ALDH18A1: variants seen among roughly 807,000 people sequenced by gnomAD.
The protein encoded by ALDH18A1 is delta-1-pyrroline-5-carboxylate synthase.
ALDH18A1 carries 44 observed loss-of-function variants against 88.8 expected under a neutral mutation model. The ratio of observed to expected loss-of-function variants is 0.50; its 90% CI spans 0.39 to 0.64. The LOEUF (loss-of-function observed/expected upper bound fraction) is 0.64. Among genes scored for constraint, ALDH18A1 ranks in the 30% least tolerant of loss-of-function variants. The pLI, the probability that ALDH18A1 is intolerant of heterozygous loss-of-function variation, is 0.00. For synonymous variants in ALDH18A1, 331 were observed against 372.1 expected, an observed-to-expected ratio of 0.89 and a Z score of 1.27; for missense variants, 782 against 1,009.5, an observed-to-expected ratio of 0.77 and a Z score of 3.05.
intron 1 of ALDH18A1, among the ~76,000 whole-genome samples, chr10:95,655,257 G>A (rs1021479896): frequency 6.6e-6 from 1 of 151,816 alleles, no homozygotes; most frequent in African/African-American, 2.4e-5. Flanking sequence ...TATAAATCAG[G>A]GATACTAACA....
chr10:95,631,675 G>A (rs140027482), intron 7 of ALDH18A1, among the ~76,000 whole-genome samples: 5,046 of 149,894 alleles, frequency 0.034, 118 homozygotes, highest in Non-Finnish European at 0.049. Flanking sequence ...CCTGGGAAGT[G>A]GAGGTTGCGG....
chr10:95,627,377 T>G, intron 9 of ALDH18A1, 65 bp downstream of exon 9: 6 of 1,593,020 alleles, frequency 3.8e-6, no homozygotes, highest in Non-Finnish European at 5.2e-6. Flanking sequence ...TTTTGTGATC[T>G]CTAACTAAGC....
At chr10:95,623,614 G>A (rs1321680525) in intron 11 of ALDH18A1, among the ~76,000 whole-genome samples, 2 of 151,778 alleles carry the variant, frequency 1.3e-5, no homozygotes, top group African/African-American at 2.4e-5. Flanking sequence ...TGTCCAGACT[G>A]GAGTGCAGTG....
intron 5 of ALDH18A1, among the ~76,000 whole-genome samples, chr10:95,635,313 C>CAGG (rs1245117768): frequency 1.3e-5 from 2 of 152,040 alleles, no homozygotes; most frequent in East Asian, 3.9e-4. Flanking sequence ...GAGAGACAAG[C>CAGG]AGGAGATCTA....
chr10:95,628,533 A>C, intron 7 of ALDH18A1, 41 bp from the exon 8 acceptor site: 1 of 1,605,824 alleles, frequency 6.2e-7, no homozygotes, highest in South Asian at 1.1e-5. Flanking sequence ...CTTTGATGGA[A>C]GTGTCTCCAA....
intron 15 of ALDH18A1, 65 bp downstream of exon 15, chr10:95,613,677 T>C: frequency 6.3e-7 from 1 of 1,588,778 alleles, no homozygotes; most frequent in South Asian, 1.1e-5. Context: ...GGTATGGCTG[T>C]GCCTGGTCTA....
At chr10:95,646,359 C>T (rs1014882708) in intron 2 of ALDH18A1, among the ~76,000 whole-genome samples, 7 of 152,060 alleles carry the variant, frequency 4.6e-5, no homozygotes, top group East Asian at 3.9e-4. Context: ...GAGGGTGGGT[C>T]GCATGGTTCA....
chr10:95,606,919 G>T lies in ALDH18A1; in HGVS notation c.2231C>A (p.Ser744Ter). The change falls in exon 18 of 18, where the codon TCG becomes TAG. Residue 744 changes from serine (S) to a stop codon, truncating the protein, a stop_gained. Transcript: ENST00000371224. LOFTEE classifies it high-confidence loss of function. The stretch of plus-strand genomic sequence containing the variant: ...TACTGGTCCCCGGGCGTGGATTCTC[G>T]ATGTACTGATTCCCACTTCAGCTCC... ...GLGAEVGISTSRIHARGPVGL... is the reference protein window; with the variant it reads ...GLGAEVGIST 6.2e-7 allele frequency: 1 copy of T among 1,614,070 alleles called. No individual in the cohort carries two copies. The highest frequency in any genetic ancestry group is 8.5e-7 in the Non-Finnish European group (1 of 1,180,004).
At chr10:95,610,109 G>T in intron 17 of ALDH18A1, 88 bp downstream of exon 17, 1 of 1,233,184 alleles carries the variant, frequency 8.1e-7, no homozygotes. Context: ...GACAGTCAAG[G>T]GGAGGTGTCT....
At chr10:95,616,982 C>A in intron 12 of ALDH18A1, among the ~76,000 whole-genome samples, 1 of 152,174 alleles carries the variant, frequency 6.6e-6, no homozygotes, top group East Asian at 1.9e-4. Context: ...TATGGTGGCT[C>A]ACGCCTGTAA....
chr10:95,636,859 T>C (rs1421204378), intron 5 of ALDH18A1, among the ~76,000 whole-genome samples: 22 of 152,246 alleles, frequency 1.4e-4, no homozygotes, highest in Non-Finnish European at 1.5e-5. Context: ...ACTAAATGCT[T>C]TTCATATATT....
At chr10:95,612,429 G>C (rs1005239409) in intron 15 of ALDH18A1, among the ~76,000 whole-genome samples, 2 of 152,188 alleles carry the variant, frequency 1.3e-5, no homozygotes, top group Non-Finnish European at 2.9e-5. Flanking sequence ...TTCATGCCTT[G>C]ATTCTTTGGG....
intron 10 of ALDH18A1, among the ~76,000 whole-genome samples, chr10:95,626,015 C>T (rs1167230054): frequency 6.6e-6 from 1 of 151,958 alleles, no homozygotes; most frequent in Non-Finnish European, 1.5e-5. Flanking sequence ...CAAACCTGAC[C>T]CTGCTAGATG....
At chr10:95,634,402 G>A (rs1184811044) in intron 5 of ALDH18A1, among the ~76,000 whole-genome samples, 1 of 152,174 alleles carries the variant, frequency 6.6e-6, no homozygotes, top group East Asian at 1.9e-4. Context: ...CTGTGCCCCA[G>A]CAATTTCTAA....
At chr10:95,613,108 C>T (rs1565997184) in intron 15 of ALDH18A1, among the ~76,000 whole-genome samples, 1 of 152,216 alleles carries the variant, frequency 6.6e-6, no homozygotes, top group Non-Finnish European at 1.5e-5. Flanking sequence ...TGCATCCATG[C>T]AGAGAGTTTA....
chr10:95,643,310 A>G, intron 2 of ALDH18A1, 104 bp from the exon 3 acceptor site: 1 of 1,119,200 alleles, frequency 8.9e-7, no homozygotes, highest in Non-Finnish European at 1.3e-6. Context: ...ACCAAAAAAT[A>G]GCATTATCAT....
chr10:95,651,180 A>G (rs2097909865), intron 2 of ALDH18A1, among the ~76,000 whole-genome samples: 1 of 152,144 alleles, frequency 6.6e-6, no homozygotes. Context: ...ATGAACTAAC[A>G]TTTCACTGAA....
chr10:95,611,192 A>G, intron 16 of ALDH18A1, 64 bp downstream of exon 16: 1 of 1,597,592 alleles, frequency 6.3e-7, no homozygotes, highest in Non-Finnish European at 8.6e-7. Context: ...AGGGGGGCTA[A>G]GAGGAGCAGG....
intron 10 of ALDH18A1, 45 bp from the exon 11 acceptor site, chr10:95,625,500 A>G: frequency 6.6e-7 from 1 of 1,519,792 alleles, no homozygotes; most frequent in Non-Finnish European, 9.1e-7. Flanking sequence ...TGTTAATCCA[A>G]GAAGAATGCA....
Sources: gnomAD v4.1 joint callset for allele counts (sites outside exome capture counted in the v4.1 genomes callset) on GRCh38, gnomAD v4.1.1 for gene constraint, MANE v1.5 for transcripts, NCBI Gene and HGNC (gene_info 2026-07-23, HGNC 2026-07-21) for gene names.